The following CDH26 variants were observed in gnomAD, a reference collection of about 807,000 sequenced individuals.
CDH26 encodes the protein cadherin 26, also known as cadherin-like protein 26.
Under a neutral mutation model 90.3 loss-of-function variants are expected in CDH26, and 83 were observed. The observed-to-expected ratio is 0.92, with a 90% CI of 0.77 to 1.10. CDH26 has a LOEUF of 1.10. Ranked by LOEUF, CDH26 falls within the 50% of genes least tolerant of loss-of-function variation. CDH26 has a pLI of 0.00. For missense variants in CDH26, 1,013 were observed against 1,037.6 expected (o/e 0.98, Z 0.33); for synonymous variants, 397 against 396.3 (o/e 1.00, Z -0.02).
intron 4 of CDH26, among the ~76,000 whole-genome samples, chr20:59,978,956 G>A (rs168978): frequency 0.014 from 2,133 of 152,056 alleles, 48 homozygotes; most frequent in African/African-American, 0.049. Context: ...CAAAACTTGT[G>A]TACGGTAAAA....
chr20:59,993,398 T>A (rs188069999), intron 10 of CDH26, among the ~76,000 whole-genome samples: 1 of 152,326 alleles, frequency 6.6e-6, no homozygotes, highest in East Asian at 1.9e-4. Context: ...CAATGTGAGA[T>A]TTCTTAGCCC....
At chr20:60,015,982 T>C (rs2061902292), downstream of CDH26, among the ~76,000 whole-genome samples, 1 of 152,226 alleles carries the variant, frequency 6.6e-6, no homozygotes, top group Non-Finnish European at 1.5e-5. Context: ...CATTTATTGA[T>C]GTGTCTGTTT....
chr20:60,001,678 T>C (rs1248328724), intron 15 of CDH26: 29 of 919,122 alleles, frequency 3.2e-5, no homozygotes, highest in Non-Finnish European at 3.6e-5. Context: ...CACAAATAGA[T>C]ACATTTTCTC....
chr20:59,980,243 T>C (rs2061378886), intron 4 of CDH26, among the ~76,000 whole-genome samples: 2 of 152,156 alleles, frequency 1.3e-5, no homozygotes. Flanking sequence ...GTATCTCTTT[T>C]TTTGGAGAGG....
intron 7 of CDH26, among the ~76,000 whole-genome samples, chr20:60,020,140 GATT>G (rs2061940994): frequency 6.6e-6 from 1 of 152,168 alleles, no homozygotes; most frequent in East Asian, 1.9e-4. Flanking sequence ...GGGACCGTGG[GATT>G]ATTACTCTGG....
At chr20:60,016,084 G>T (rs185048659), downstream of CDH26, among the ~76,000 whole-genome samples, 2 of 152,118 alleles carry the variant, frequency 1.3e-5, no homozygotes, top group African/African-American at 4.8e-5. Context: ...TTTGTGCTCA[G>T]AATTGTTTTG....
At position 59,992,604 on chromosome 20, in the gene CDH26, A is replaced by C; in HGVS notation, c.1426+84A>C. On this transcript the variant is annotated intron_variant, in intron 10 of 17. Coordinates refer to ENST00000348616, the MANE Select transcript of CDH26 (RefSeq NM_177980.4). This position sits in a 1 kb window ranked among gnomAD's most constrained non-coding sequence, Gnocchi z 5.0. ...ATAACCCTGGTGAGCGTCTTTCAGC[A>C]CAGCAGAGAAAAGGATAAAATAAAC... 5 of 1,362,676 alleles carry C rather than the reference A, an allele frequency of 3.7e-6. No individual in the cohort carries two copies. Among genetic ancestry groups the C allele is most frequent in the Non-Finnish European group, 5.2e-6 (5 of 961,924 alleles). 84.4% of individuals were successfully genotyped at this position (1,362,676 alleles called of 1,614,324 possible).
downstream of CDH26, among the ~76,000 whole-genome samples, chr20:60,017,446 T>C (rs113228921): frequency 0.019 from 2,848 of 152,180 alleles, 41 homozygotes; most frequent in South Asian, 0.07. Flanking sequence ...GTGGTCTCTA[T>C]TGTGACATCT....
At chr20:59,989,264 C>T in intron 9 of CDH26, 101 bp downstream of exon 9, 1 of 1,481,700 alleles carries the variant, frequency 6.7e-7, no homozygotes, top group Non-Finnish European at 9.1e-7. Flanking sequence ...CGCGGTGGCT[C>T]ACGCCTGTAA....
rs1276441998 is a variant in CDH26 at position 59,994,575 on chromosome 20, A to C, written c.1666+86A>C. 5 of 1,520,198 alleles carry C rather than the reference A, an allele frequency of 3.3e-6. No homozygotes were observed. In the Admixed American group the frequency reaches 5.8e-5, roughly 18 times the overall value. The allele number at this position is 1,520,198 out of a possible 1,614,324, so 94.2% of individuals were successfully genotyped here. A position where few individuals can be genotyped will look rare whatever the true frequency, so the allele number is the denominator to read the frequency against. On this transcript the variant is annotated intron_variant, in intron 11 of 17. Coordinates refer to ENST00000348616, the MANE Select transcript of CDH26 (RefSeq NM_177980.4). Reference sequence around the variant, plus strand: ...GATTTAGGCAAAAAAGGACTTTATTAGCTTAAAAAACCGGAGAGGTCTGCG... The same window carrying C: ...GATTTAGGCAAAAAAGGACTTTATTCGCTTAAAAAACCGGAGAGGTCTGCG...
At chr20:60,031,309 C>T (rs1326011904) in exon 8 of CDH26, 2 of 1,293,558 alleles carry the variant, frequency 1.5e-6, no homozygotes, top group African/African-American at 3.1e-5. Flanking sequence ...GCGAGGATTG[C>T]CACAAGACAT....
rs754090670 is a variant in CDH26, at chr20:59,985,099, C to A, written c.807C>A (p.Asn269Lys). 1 of 1,613,974 alleles carries A rather than the reference C, an allele frequency of 6.2e-7. No homozygotes were observed. The highest frequency in any genetic ancestry group is 8.5e-7 in the Non-Finnish European group (1 of 1,179,982). The part of the protein sequence containing the change: ...TTVHVDVQEG[N>K]NHRPAFTQEN... ...TTCACGTGGATGTGCAAGAAGGCAA[C>A]AACCACAGGCCTGCATTTACCCAGG... The change falls in exon 7 of 18, where the codon AAC becomes AAA. Residue 269 changes from asparagine (N) to lysine (K), a missense_variant. Physicochemically the swap from Asn to Lys is moderately conservative, Grantham distance 94. Transcript: ENST00000348616.
chr20:59,964,848 C>G (rs1175976298), intron 1 of CDH26, among the ~76,000 whole-genome samples: 1 of 152,170 alleles, frequency 6.6e-6, no homozygotes, highest in Non-Finnish European at 1.5e-5. Flanking sequence ...GACACCTTGT[C>G]TCATACCCTC....
rs1317941083 is a variant in CDH26, at chr20:59,967,893, CTTCCTTCCTTCCTTCCTTTCCT to C, written c.70-1067_70-1046del. Among the ~76,000 whole-genome samples the C allele has an allele frequency of 7.1e-3, 892 of 125,702 alleles. 51 individuals carry two copies. Among genetic ancestry groups the C allele is most frequent in the African/African-American group, 0.031 (852 of 27,594 alleles). The allele number at this position is 125,702 out of a possible 152,430, so 82.5% of individuals were successfully genotyped here. Reference sequence around the variant, plus strand: ...TCTTTCTTTCTTCCTTCCTTCCTTCCTTCCTTCCTTCCTTCCTTTCCTTTCCTTTCCTTTCCTTTCCCTTTCT... The same window carrying C: ...TCTTTCTTTCTTCCTTCCTTCCTTCCTTCCTTTCCTTTCCTTTCCCTTTCT... On this transcript the variant is annotated intron_variant, in intron 1 of 17. Coordinates refer to ENST00000348616, the MANE Select transcript of CDH26 (RefSeq NM_177980.4).
chr20:59,961,827 G>A (rs2061078368), intron 1 of CDH26, among the ~76,000 whole-genome samples: 1 of 152,178 alleles, frequency 6.6e-6, no homozygotes, highest in African/African-American at 2.4e-5. Flanking sequence ...AGGCCTCTGA[G>A]CTCATATGTC....
chr20:60,029,562 T>C (rs573811463), intron 7 of CDH26, among the ~76,000 whole-genome samples: 1 of 152,314 alleles, frequency 6.6e-6, no homozygotes, highest in South Asian at 2.1e-4. Context: ...TGGTTTGCTG[T>C]ACCTATCAAC....
intron 1 of CDH26, among the ~76,000 whole-genome samples, chr20:59,966,257 A>AAAAAAAAAAAAAAAAAAAAGG (rs1234143497): frequency 6.8e-6 from 1 of 147,916 alleles, no homozygotes; most frequent in African/African-American, 2.5e-5. Flanking sequence ...AAAAAAAAAA[A>AAAAAAAAAAAAAAAAAAAAGG]GTGGCCTGTT....
chr20:59,961,129 A>G (rs1485586830), intron 1 of CDH26, among the ~76,000 whole-genome samples: 1 of 152,178 alleles, frequency 6.6e-6, no homozygotes, highest in Admixed American at 6.5e-5. Flanking sequence ...TTAGTAGCCC[A>G]TGTTTGCATG....
chr20:59,969,958 TG>T, intron 2 of CDH26, 123 bp from the exon 3 acceptor site: 1 of 1,405,750 alleles, frequency 7.1e-7, no homozygotes, highest in Non-Finnish European at 9.4e-7. Flanking sequence ...GTGGCTGTTC[TG>T]GCGATGAGAG....
Sources: gnomAD v4.1 joint callset for allele counts (sites outside exome capture counted in the v4.1 genomes callset) on GRCh38, gnomAD v4.1.1 for gene constraint, Gnocchi (gnomAD v3.1) non-coding constraint, MANE v1.5 for transcripts, NCBI Gene and HGNC (gene_info 2026-07-23, HGNC 2026-07-21) for gene names.